SNX30: variants seen among roughly 807,000 people sequenced by gnomAD.
SNX30 encodes sorting nexin-30.
A neutral mutation model predicts 46.4 loss-of-function variants in SNX30; 24 were observed. The observed-to-expected ratio is 0.52, with a 90% CI of 0.37 to 0.73. The LOEUF is 0.73. SNX30 is among the 30% of genes least tolerant of loss of function. The pLI is 0.00. For synonymous variants in SNX30, 189 were observed against 211.5 expected, an observed-to-expected ratio of 0.89 and a Z score of 0.92; for missense variants, 533 against 555.7, an observed-to-expected ratio of 0.96 and a Z score of 0.41.
chr9:112,752,300 C>G (rs2131340778), intron 1 of SNX30, among the ~76,000 whole-genome samples: 1 of 152,248 alleles, frequency 6.6e-6, no homozygotes, highest in African/African-American at 2.4e-5. Flanking sequence ...AGTTCCAAAG[C>G]ATTAGGAACA....
intron 6 of SNX30, among the ~76,000 whole-genome samples, chr9:112,842,579 C>A (rs1296628824): frequency 1.3e-5 from 2 of 152,228 alleles, no homozygotes; most frequent in South Asian, 2.1e-4. Flanking sequence ...AAGAAACAGA[C>A]CCTTGTGAGT....
At chr9:112,762,358 C>G (rs1839454186) in intron 1 of SNX30, among the ~76,000 whole-genome samples, 1 of 152,094 alleles carries the variant, frequency 6.6e-6, no homozygotes, top group Non-Finnish European at 1.5e-5. Flanking sequence ...TTCAAAACCC[C>G]TATAGCTCGT....
intron 2 of SNX30, among the ~76,000 whole-genome samples, chr9:112,805,878 G>C (rs1266741955): frequency 6.6e-6 from 1 of 151,984 alleles, no homozygotes; most frequent in Admixed American, 6.5e-5. Context: ...TTGGTAACCA[G>C]GATTCTAATT....
At chr9:112,768,653 T>TTC (rs1564262073) in intron 1 of SNX30, among the ~76,000 whole-genome samples, 10 of 79,622 alleles carry the variant, frequency 1.3e-4, no homozygotes, top group East Asian at 7.1e-4. Context: ...TCTTCTTTTT[T>TTC]TTTTTTTTTT....
At chr9:112,860,930 G>C (rs1841217323) in intron 7 of SNX30, among the ~76,000 whole-genome samples, 1 of 152,174 alleles carries the variant, frequency 6.6e-6, no homozygotes, top group African/African-American at 2.4e-5. Context: ...TGTCACAGGT[G>C]TGCAATGACT....
upstream of SNX30, among the ~76,000 whole-genome samples, chr9:112,750,643 C>A (rs895318235): frequency 4.6e-5 from 7 of 152,052 alleles, no homozygotes; most frequent in Non-Finnish European, 5.9e-5. Flanking sequence ...TCCCTCCCTC[C>A]GTCCTTCCTT....
chr9:112,826,515 A>C (rs1348893900), intron 3 of SNX30, among the ~76,000 whole-genome samples: 3 of 152,186 alleles, frequency 2.0e-5, no homozygotes, highest in Non-Finnish European at 4.4e-5. Flanking sequence ...CTGGATGAAC[A>C]GGAGATGTTG....
intron 4 of SNX30, among the ~76,000 whole-genome samples, chr9:112,832,282 A>G (rs564946673): frequency 2.0e-5 from 3 of 152,214 alleles, no homozygotes; most frequent in Non-Finnish European, 2.9e-5. Flanking sequence ...AATACATCCT[A>G]TTCTCCAAAA....
intron 6 of SNX30, among the ~76,000 whole-genome samples, chr9:112,845,966 G>A (rs1460192838): frequency 6.6e-6 from 1 of 152,104 alleles, no homozygotes; most frequent in African/African-American, 2.4e-5. Flanking sequence ...AGAAAAAAAT[G>A]TTAATATTTT....
Position 112,873,946 on chromosome 9 carries a change from A to T in SNX30, c.*5103A>T, listed in dbSNP as rs1841483785. 6.6e-6 allele frequency: 1 copy of T among 152,194 alleles called. No homozygotes were observed. Among genetic ancestry groups the T allele is most frequent in the South Asian group, 2.1e-4 (1 of 4,826 alleles). The allele number at this position is 152,194 out of a possible 1,614,324, so 9.4% of individuals were successfully genotyped here. A position where few individuals can be genotyped will look rare whatever the true frequency, so the allele number is the denominator to read the frequency against. On this transcript the variant is annotated 3_prime_UTR_variant, in exon 9 of 9. Coordinates refer to ENST00000374232, the MANE Select transcript of SNX30 (RefSeq NM_001012994.2). Reference sequence around the variant, plus strand: ...TTTAGTGTTAACACCAGTGGCGAGGAGCATTGCATATTCTCTGTCAGCAGC... The same window carrying T: ...TTTAGTGTTAACACCAGTGGCGAGGTGCATTGCATATTCTCTGTCAGCAGC...
intron 1 of SNX30, among the ~76,000 whole-genome samples, chr9:112,773,419 T>C (rs1275036161): frequency 6.6e-6 from 1 of 152,064 alleles, no homozygotes; most frequent in African/African-American, 2.4e-5. Flanking sequence ...AGATAGGATC[T>C]CGCTTTGTCA....
chr9:112,810,016 C>T (rs1279438606), intron 2 of SNX30, among the ~76,000 whole-genome samples: 4 of 152,086 alleles, frequency 2.6e-5, no homozygotes, highest in Non-Finnish European at 5.9e-5. Flanking sequence ...CTAGAATTGC[C>T]ACCGAAGGGG....
rs189715246 is a variant in SNX30, at chr9:112,844,754, C to T, written c.1014+6057C>T. ...TTGGCTTAAAGACAAAGTTTTTCTTCCAGTTGGAGATAACTTCTACAACAT... is the reference window on the plus strand; with the variant it reads ...TTGGCTTAAAGACAAAGTTTTTCTTTCAGTTGGAGATAACTTCTACAACAT... On this transcript the variant is annotated intron_variant, in intron 6 of 8. Coordinates refer to ENST00000374232, the MANE Select transcript of SNX30 (RefSeq NM_001012994.2). 6.6e-5 allele frequency among the ~76,000 whole-genome samples: 10 copies of T among 152,346 alleles called. No individual in the cohort carries two copies. The East Asian group carries it at 1.7e-3, about 26-fold the overall frequency.
At chr9:112,824,367 T>C (rs1001077728) in intron 3 of SNX30, among the ~76,000 whole-genome samples, 1 of 152,178 alleles carries the variant, frequency 6.6e-6, no homozygotes, top group Admixed American at 6.5e-5. Context: ...TATATGTGTA[T>C]ATTCAGTTTC....
intron 8 of SNX30, 74 bp from the exon 9 acceptor site, chr9:112,868,710 G>T: frequency 6.6e-7 from 1 of 1,519,396 alleles, no homozygotes; most frequent in Non-Finnish European, 9.1e-7. Flanking sequence ...GAAAGGGTAG[G>T]TCAGAGCAGA....
At chr9:112,815,441 G>C (rs7872628) in intron 2 of SNX30, among the ~76,000 whole-genome samples, 10 of 151,826 alleles carry the variant, frequency 6.6e-5, no homozygotes, top group African/African-American at 2.4e-4. Flanking sequence ...ACTCACTGCA[G>C]CCTCCCCCTC....
At position 112,838,847 on chromosome 9, in the gene SNX30, A is replaced by G. The variant is rs572887725; in HGVS notation, c.1014+150A>G. 47 of 666,366 alleles carry G rather than the reference A, an allele frequency of 7.1e-5. 1 individual carries two copies. In the South Asian group the frequency reaches 9.3e-4, roughly 13 times the overall value. The allele number at this position is 666,366 out of a possible 1,614,324, so 41.3% of individuals were successfully genotyped here. On this transcript the variant is annotated intron_variant, in intron 6 of 8. Transcript: ENST00000374232. ...ACACGTGGACTGACATCATGGACAT[A>G]TAAATGGAACACATGGTGAACGAAG...
intron 7 of SNX30, among the ~76,000 whole-genome samples, chr9:112,857,469 C>A (rs1360024284): frequency 6.6e-6 from 1 of 152,102 alleles, no homozygotes; most frequent in Non-Finnish European, 1.5e-5. Flanking sequence ...GGACCAATCT[C>A]TCTGCCACTC....
rs1417551866 is a variant in SNX30, at chr9:112,871,637, C to G, written c.*2794C>G. The G allele has an allele frequency of 2.0e-5, 3 of 152,132 alleles. No individual in the cohort carries two copies. The East Asian group carries it at 5.8e-4, about 29-fold the overall frequency. 9.4% of individuals were successfully genotyped at this position (152,132 alleles called of 1,614,324 possible). A position where few individuals can be genotyped will look rare whatever the true frequency, so the allele number is the denominator to read the frequency against. ...GGCTTGAATACATGGCAGTGGAATA[C>G]AAGGCCCTCCCTAGCAGCCGCCCCA... On this transcript the variant is annotated 3_prime_UTR_variant, in exon 9 of 9. Transcript: ENST00000374232.
Sources: gnomAD v4.1 joint callset for allele counts (sites outside exome capture counted in the v4.1 genomes callset) on GRCh38, gnomAD v4.1.1 for gene constraint, MANE v1.5 for transcripts, NCBI Gene and HGNC (gene_info 2026-07-23, HGNC 2026-07-21) for gene names.